The following EXOC6 variants were observed in gnomAD, a reference collection of about 807,000 sequenced individuals.
EXOC6 encodes the protein exocyst complex component 6, also known as SEC15-like 1.
EXOC6 carries 60 observed loss-of-function variants against 112.5 expected under a neutral mutation model. That is an observed-to-expected ratio of 0.53 (90% CI 0.43 to 0.66). The LOEUF (loss-of-function observed/expected upper bound fraction) is 0.66, where lower values mean the gene tolerates loss of function less well. Among genes scored for constraint, EXOC6 ranks in the 30% least tolerant of loss-of-function variants. The pLI, the probability that EXOC6 is intolerant of heterozygous loss-of-function variation, is 0.00. For missense variants in EXOC6, 855 were observed against 957.1 expected (o/e 0.89, Z 1.41); for synonymous variants, 295 against 308.0 (o/e 0.96, Z 0.44).
At position 93,024,652 on chromosome 10, in the gene EXOC6, A is replaced by T. The variant is rs968287570; in HGVS notation, c.2169+10385A>T. Among the ~76,000 whole-genome samples the T allele has an allele frequency of 1.2e-4, 18 of 152,256 alleles. No homozygotes were observed. The East Asian group carries it at 2.1e-3, about 18-fold the overall frequency. On this transcript the variant is annotated intron_variant, in intron 20 of 21. Coordinates refer to ENST00000260762, the MANE Select transcript of EXOC6 (RefSeq NM_019053.6). Reference sequence around the variant, plus strand: ...AGGCTGGTTGCGAACTCCTGACCTCAGGTGATCCACCCAGCTAGGCCTCCC... The same window carrying T: ...AGGCTGGTTGCGAACTCCTGACCTCTGGTGATCCACCCAGCTAGGCCTCCC...
chr10:92,894,984 A>G lies in EXOC6; in HGVS notation c.376A>G (p.Thr126Ala). The change falls in exon 4 of 22, where the codon ACA becomes GCA. Residue 126 changes from threonine (T) to alanine (A), a missense_variant. Transcript: ENST00000260762. ...IRCRIQQRNITTVVEKLQLCL... is the reference protein window; with the variant it reads ...IRCRIQQRNIATVVEKLQLCL... ...ATGTAGAATTCAGCAGAGAAATATTACAACTGTAGTAGAAAAATTGCAGTT... is the reference window on the plus strand; with the variant it reads ...ATGTAGAATTCAGCAGAGAAATATTGCAACTGTAGTAGAAAAATTGCAGTT... The G allele has an allele frequency of 1.2e-6, 2 of 1,612,494 alleles. No homozygotes were observed. Among genetic ancestry groups the G allele is most frequent in the Non-Finnish European group, 1.7e-6 (2 of 1,178,688 alleles).
intron 18 of EXOC6, among the ~76,000 whole-genome samples, chr10:92,982,666 A>G (rs1466695082): frequency 6.6e-6 from 1 of 152,202 alleles, no homozygotes; most frequent in Non-Finnish European, 1.5e-5. Context: ...TTATAGTAGA[A>G]ACTTCTTTCA....
At chr10:92,851,901 T>C (rs1847364158) in intron 1 of EXOC6, among the ~76,000 whole-genome samples, 1 of 152,046 alleles carries the variant, frequency 6.6e-6, no homozygotes, top group Non-Finnish European at 1.5e-5. Flanking sequence ...TGAGACCTTG[T>C]CTCTACAAAT....
chr10:92,977,327 A>G (rs931321815), intron 18 of EXOC6, among the ~76,000 whole-genome samples: 1 of 152,088 alleles, frequency 6.6e-6, no homozygotes, highest in African/African-American at 2.4e-5. Flanking sequence ...AACTGCTTCA[A>G]AGAACCAATT....
intron 17 of EXOC6, among the ~76,000 whole-genome samples, chr10:92,961,701 G>GTTT (rs11374075): frequency 3.4e-5 from 5 of 145,652 alleles, no homozygotes; most frequent in Admixed American, 2.1e-4. Context: ...TCCGCTTTCT[G>GTTT]TTTTTTTTTT....
chr10:93,039,301 T>C (rs1845659517), intron 20 of EXOC6, among the ~76,000 whole-genome samples: 1 of 152,208 alleles, frequency 6.6e-6, no homozygotes, highest in South Asian at 2.1e-4. Context: ...TTTTGCAATG[T>C]ATATTTCTCT....
In EXOC6 at chr10:92,915,671, T is replaced by TA. The variant is rs199577434; in HGVS notation, c.664-78dup. On this transcript the variant is annotated intron_variant, in intron 6 of 21. Coordinates refer to ENST00000260762, the MANE Select transcript of EXOC6 (RefSeq NM_019053.6). Reference sequence around the variant, plus strand: ...TCTATACCTACAGACATTAAAAAGATAAAAAAAAACTATGAACAAATTTTT... The same window carrying TA: ...TCTATACCTACAGACATTAAAAAGATAAAAAAAAAACTATGAACAAATTTTT... 5.3e-3 allele frequency: 4,907 copies of TA among 920,196 alleles called. 131 individuals carry two copies. The Admixed American group carries it at 0.084, about 16-fold the overall frequency. The allele number at this position is 920,196 out of a possible 1,614,324, so 57.0% of individuals were successfully genotyped here.
intron 1 of EXOC6, among the ~76,000 whole-genome samples, chr10:92,838,261 T>C (rs536178143): frequency 6.6e-6 from 1 of 152,300 alleles, no homozygotes; most frequent in South Asian, 2.1e-4. Flanking sequence ...CCAAGAGTCA[T>C]TGTCAATGGC....
intron 4 of EXOC6, among the ~76,000 whole-genome samples, chr10:92,896,141 GTATGTGTATATATATATATA>G (rs1237123763): frequency 3.0e-4 from 10 of 33,668 alleles, no homozygotes; most frequent in African/African-American, 1.4e-3. Flanking sequence ...GTGTGTGTAT[GTATGTGTATATATATATATA>G]TATATATATA....
intron 19 of EXOC6, among the ~76,000 whole-genome samples, chr10:93,000,444 A>T (rs192471816): frequency 6.6e-6 from 1 of 152,222 alleles, no homozygotes; most frequent in African/African-American, 2.4e-5. Context: ...TAAAACTCTG[A>T]TGTTTTCTTT....
intron 20 of EXOC6, among the ~76,000 whole-genome samples, chr10:93,049,987 C>T (rs1182129689): frequency 6.6e-6 from 1 of 151,952 alleles, no homozygotes; most frequent in East Asian, 1.9e-4. Context: ...AGAGTCAAAA[C>T]CATTGATTTG....
chr10:92,931,127 A>G (rs1852008444), intron 9 of EXOC6, among the ~76,000 whole-genome samples: 1 of 136,850 alleles, frequency 7.3e-6, no homozygotes, highest in Non-Finnish European at 1.7e-5. Flanking sequence ...AAAAAAAAAA[A>G]AAAAAAAAAA....
At position 92,909,314 on chromosome 10, in the gene EXOC6, A is replaced by G. The variant is rs746654424; in HGVS notation, c.459-113A>G. 4.5e-6 allele frequency: 3 copies of G among 661,852 alleles called. 1 individual carries two copies. Among genetic ancestry groups the G allele is most frequent in the African/African-American group, 3.7e-5 (2 of 54,026 alleles). 41.0% of individuals were successfully genotyped at this position (661,852 alleles called of 1,614,324 possible). A position where few individuals can be genotyped will look rare whatever the true frequency, so the allele number is the denominator to read the frequency against. ...AATATTAATTTTACTTATTTTAACT[A>G]GGACTAGGTCCTTTTTGATGAATAA... is the stretch of plus-strand genomic sequence containing the variant. On this transcript the variant is annotated intron_variant, in intron 5 of 21. Transcript: ENST00000260762.
chr10:93,025,885 T>G (rs1014578846), intron 20 of EXOC6, among the ~76,000 whole-genome samples: 4 of 152,174 alleles, frequency 2.6e-5, no homozygotes, highest in Non-Finnish European at 5.9e-5. Context: ...CACCCCACAC[T>G]GTGCCTCTTT....
At chr10:92,984,999 A>AAAAAC (rs372482141) in intron 18 of EXOC6, among the ~76,000 whole-genome samples, 10,806 of 151,760 alleles carry the variant, frequency 0.071, 479 homozygotes, top group South Asian at 0.15. Flanking sequence ...ACCTTGTCTC[A>AAAAAC]AAAACAAAAC....
intron 20 of EXOC6, among the ~76,000 whole-genome samples, chr10:93,050,960 A>C (rs983714211): frequency 6.6e-6 from 1 of 152,040 alleles, no homozygotes; most frequent in Non-Finnish European, 1.5e-5. Flanking sequence ...TGTTGGTTTC[A>C]TGATATGCTC....
intron 19 of EXOC6, among the ~76,000 whole-genome samples, chr10:93,004,925 G>A (rs1374307580): frequency 1.3e-5 from 2 of 152,122 alleles, no homozygotes; most frequent in South Asian, 2.1e-4. Context: ...TCAAGATAAC[G>A]TCCTGGTTCT....
rs978748630 is a variant in EXOC6, at chr10:92,999,013, A to T, written c.2095+1398A>T. Among the ~76,000 whole-genome samples, 3 of 152,080 alleles carry T rather than the reference A, an allele frequency of 2.0e-5. No homozygotes were observed. In the East Asian group the frequency reaches 5.8e-4, roughly 29 times the overall value. ...CAGCCTCCCAAGTAGCTGGAACTAC[A>T]GGTGTGTGCCAACACACTCAGCTAA... is the stretch of plus-strand genomic sequence containing the variant. On this transcript the variant is annotated intron_variant, in intron 19 of 21. Coordinates refer to ENST00000260762, the MANE Select transcript of EXOC6 (RefSeq NM_019053.6).
intron 20 of EXOC6, among the ~76,000 whole-genome samples, chr10:93,028,455 T>G (rs760767240): frequency 3.3e-5 from 5 of 152,128 alleles, no homozygotes; most frequent in Admixed American, 1.3e-4. Context: ...AAAATTTGAA[T>G]GGATGAGGTA....
Sources: gnomAD v4.1 joint callset for allele counts (sites outside exome capture counted in the v4.1 genomes callset) on GRCh38, gnomAD v4.1.1 for gene constraint, MANE v1.5 for transcripts, NCBI Gene and HGNC (gene_info 2026-07-23, HGNC 2026-07-21) for gene names.